KAT2B: variants seen among roughly 807,000 people sequenced by gnomAD.
The protein encoded by KAT2B is histone acetyltransferase KAT2B.
Under a neutral mutation model 105.9 loss-of-function variants are expected in KAT2B, and 36 were observed. That is an observed-to-expected ratio of 0.34 (90% CI 0.26 to 0.45). KAT2B has a LOEUF of 0.45. Among genes scored for constraint, KAT2B ranks in the 20% least tolerant of loss-of-function variants. The probability of loss-of-function intolerance (pLI) is 1.00; values close to 1 mark genes in which losing one functional copy is unlikely to be tolerated. For synonymous variants in KAT2B, 397 were observed against 377.9 expected, an observed-to-expected ratio of 1.05 and a Z score of -0.59; for missense variants, 820 against 1,021.6, an observed-to-expected ratio of 0.80 and a Z score of 2.69.
intron 10 of KAT2B, among the ~76,000 whole-genome samples, chr3:20,127,131 A>G (rs1285755387): frequency 6.6e-6 from 1 of 152,184 alleles, no homozygotes; most frequent in Non-Finnish European, 1.5e-5. Flanking sequence ...TGGCTGTGCC[A>G]GTTCCAGAGC....
At chr3:20,076,423 C>T (rs1172679361) in intron 2 of KAT2B, among the ~76,000 whole-genome samples, 1 of 152,096 alleles carries the variant, frequency 6.6e-6, no homozygotes, top group Non-Finnish European at 1.5e-5. Flanking sequence ...TTCAAGTGGT[C>T]TTGGAATTAT....
intron 4 of KAT2B, among the ~76,000 whole-genome samples, chr3:20,100,361 G>T (rs1345010840): frequency 1.3e-5 from 2 of 152,004 alleles, no homozygotes; most frequent in Non-Finnish European, 2.9e-5. Flanking sequence ...TGTAAGTCAA[G>T]CAAAAAAAGC....
At chr3:20,047,501 GTAAC>G (rs1189767637) in intron 1 of KAT2B, among the ~76,000 whole-genome samples, 2 of 151,886 alleles carry the variant, frequency 1.3e-5, no homozygotes, top group African/African-American at 4.8e-5. Context: ...CTTGCCCACT[GTAAC>G]TATGCTGCTT....
chr3:20,138,004 G>C (rs76854494), intron 12 of KAT2B, among the ~76,000 whole-genome samples: 12,612 of 152,218 alleles, frequency 0.083, 578 homozygotes, highest in East Asian at 0.2. Context: ...TAAGTTTTCA[G>C]CTCAGCTTTT....
chr3:20,053,476 G>A (rs1305424619), intron 1 of KAT2B, among the ~76,000 whole-genome samples: 1 of 152,186 alleles, frequency 6.6e-6, no homozygotes, highest in Non-Finnish European at 1.5e-5. Context: ...TCGAGGCTGT[G>A]GTGAGCCGTG....
chr3:20,142,258 C>T (rs1003887553), intron 13 of KAT2B, among the ~76,000 whole-genome samples: 1 of 152,122 alleles, frequency 6.6e-6, no homozygotes, highest in African/African-American at 2.4e-5. Context: ...CTTTTTTCTC[C>T]TCTCCTCCCC....
chr3:20,126,197 T>C (rs1342246959), intron 10 of KAT2B, 84 bp downstream of exon 10: 1 of 1,156,452 alleles, frequency 8.6e-7, no homozygotes, highest in Non-Finnish European at 1.3e-6. Flanking sequence ...TCAGCCATAG[T>C]CATCCACCGA....
chr3:20,152,334 C>T lies in KAT2B; in HGVS notation c.2308C>T (p.Leu770=), dbSNP rs779818532. Reference sequence around the variant, plus strand: ...TAATATTTTTTTTTCCTGTGCAGATCTGAAAACCATGAGTGAACGCCTCAA... The same window carrying T: ...TAATATTTTTTTTTCCTGTGCAGATTTGAAAACCATGAGTGAACGCCTCAA... The part of the protein sequence containing the change: ...YYEVIRFPMD[L]KTMSERLKNR... Residue 770 remains leucine (L), a splice_region_variant and synonymous_variant, in exon 18 of 18, where the codon CTG becomes TTG. Transcript: ENST00000263754. The T allele has an allele frequency of 3.1e-6, 5 of 1,610,716 alleles. No homozygotes were observed. In the East Asian group the frequency reaches 6.7e-5, roughly 22 times the overall value.
intron 1 of KAT2B, among the ~76,000 whole-genome samples, chr3:20,055,426 C>T (rs1433066280): frequency 6.6e-6 from 1 of 152,078 alleles, no homozygotes; most frequent in Non-Finnish European, 1.5e-5. Flanking sequence ...AAGTGCCTCG[C>T]AGAGAATGAA....
intron 1 of KAT2B, among the ~76,000 whole-genome samples, chr3:20,045,258 T>C (rs763941376): frequency 3.3e-5 from 5 of 152,224 alleles, no homozygotes; most frequent in Admixed American, 1.3e-4. Context: ...GCTCAAGCAA[T>C]CTGCCTGCCT....
At chr3:20,139,282 A>G (rs1699658738) in intron 12 of KAT2B, among the ~76,000 whole-genome samples, 1 of 152,116 alleles carries the variant, frequency 6.6e-6, no homozygotes, top group African/African-American at 2.4e-5. Flanking sequence ...GAAGACAGAT[A>G]AATAATCTCC....
intron 2 of KAT2B, among the ~76,000 whole-genome samples, chr3:20,079,911 A>G (rs1349478172): frequency 6.6e-6 from 1 of 152,166 alleles, no homozygotes; most frequent in Non-Finnish European, 1.5e-5. Flanking sequence ...TTAAGGGGAT[A>G]ATACTGGTAA....
intron 2 of KAT2B, among the ~76,000 whole-genome samples, chr3:20,073,258 A>G (rs532451143): frequency 1.3e-5 from 2 of 152,268 alleles, no homozygotes; most frequent in South Asian, 2.1e-4. Flanking sequence ...CAAAATGTCA[A>G]CAAGGCCAGT....
intron 1 of KAT2B, among the ~76,000 whole-genome samples, chr3:20,060,612 AACAAACAC>A (rs1271702204): frequency 2.1e-5 from 3 of 140,504 alleles, no homozygotes; most frequent in Admixed American, 7.2e-5. Flanking sequence ...AAAACAAACA[AACAAACAC>A]ACAAACAACA....
At chr3:20,078,298 A>C (rs1181898779) in intron 2 of KAT2B, among the ~76,000 whole-genome samples, 1 of 152,218 alleles carries the variant, frequency 6.6e-6, no homozygotes, top group Non-Finnish European at 1.5e-5. Flanking sequence ...TTTGGAGTCC[A>C]TTGTTCTGAA....
Position 20,086,309 on chromosome 3 carries a change from G to A in KAT2B, c.431-8954G>A, listed in dbSNP as rs141197827. On this transcript the variant is annotated intron_variant, in intron 2 of 17. Transcript: ENST00000263754. ...AAACAAAAAGGAAGAAAAACAAGCT[G>A]TATTGGAGTCTGGGCATGGTGGCTT... Among the ~76,000 whole-genome samples, 34 of 148,958 alleles carry A rather than the reference G, an allele frequency of 2.3e-4. No individual in the cohort carries two copies. In the East Asian group the frequency reaches 5.5e-3, roughly 24 times the overall value.
At chr3:20,116,196 A>G (rs1699204094) in intron 7 of KAT2B, among the ~76,000 whole-genome samples, 1 of 151,808 alleles carries the variant, frequency 6.6e-6, no homozygotes, top group Admixed American at 6.6e-5. Flanking sequence ...AGCAGTTAGC[A>G]TTTAGTGGAC....
intron 2 of KAT2B, among the ~76,000 whole-genome samples, chr3:20,073,044 T>C (rs6803231): frequency 0.63 from 95,371 of 151,930 alleles, 32,863 homozygotes; most frequent in East Asian, 0.97. Flanking sequence ...CTCAGTAGGC[T>C]CTGCTGCAGT....
intron 1 of KAT2B, among the ~76,000 whole-genome samples, chr3:20,050,305 A>C (rs1697894023): frequency 6.6e-6 from 1 of 152,140 alleles, no homozygotes; most frequent in South Asian, 2.1e-4. Flanking sequence ...AAAAACTTTT[A>C]GTTGCATTAC....
Sources: gnomAD v4.1 joint callset for allele counts (sites outside exome capture counted in the v4.1 genomes callset) on GRCh38, gnomAD v4.1.1 for gene constraint, MANE v1.5 for transcripts, NCBI Gene and HGNC (gene_info 2026-07-23, HGNC 2026-07-21) for gene names.